The following DMD variants were observed in gnomAD, a reference collection of about 807,000 sequenced individuals.
DMD encodes mutant dystrophin.
Under a neutral mutation model 330.1 loss-of-function variants are expected in DMD, and 63 were observed. The ratio of observed to expected loss-of-function variants is 0.19; its 90% CI spans 0.16 to 0.24. The LOEUF (loss-of-function observed/expected upper bound fraction) is 0.24. Ranked by LOEUF, DMD falls within the 10% of genes least tolerant of loss-of-function variation. DMD has a pLI of 1.00. For synonymous variants in DMD, 1,223 were observed against 959.8 expected, an observed-to-expected ratio of 1.27 and a Z score of -5.07; for missense variants, 3,344 against 2,684.1, an observed-to-expected ratio of 1.25 and a Z score of -5.43.
intron 55 of DMD, among the ~76,000 whole-genome samples, chrX:31,619,068 T>C (rs769318738): frequency 1.3e-4 from 14 of 111,261 alleles, no homozygotes; most frequent in African/African-American, 4.6e-4. Context: ...CCTTGGCACA[T>C]AGTAACTATT....
At chrX:32,534,996 T>C (rs2047823257) in intron 17 of DMD, among the ~76,000 whole-genome samples, 2 of 111,613 alleles carry the variant, frequency 1.8e-5, no homozygotes, top group Admixed American at 1.9e-4. Flanking sequence ...TATATAAATG[T>C]GGTCATGGGA....
At chrX:32,573,901 A>G in intron 13 of DMD, 55 bp from the exon 14 acceptor site, 1 of 1,033,760 alleles carries the variant, frequency 9.7e-7, no homozygotes, top group Non-Finnish European at 1.4e-6. Context: ...ACTACGTTTT[A>G]TTAAAAATGG....
chrX:32,735,952 A>G (rs1216837523), intron 7 of DMD, among the ~76,000 whole-genome samples: 1 of 111,871 alleles, frequency 8.9e-6, no homozygotes, highest in Admixed American at 9.5e-5. Context: ...TGCACAACAA[A>G]AGAAACTACC....
chrX:31,537,074 C>T (rs1368886951), intron 55 of DMD, among the ~76,000 whole-genome samples: 2 of 112,074 alleles, frequency 1.8e-5, no homozygotes, highest in African/African-American at 3.2e-5. Context: ...TCTTTAGTTA[C>T]CACCAAGTAA....
At position 32,714,743 on chromosome X, in the gene DMD, TA is replaced by T. The variant is rs755343447; in HGVS notation, c.650-15451del. ...CTTATATACAACTTTAAACTTCCTA[TA>T]AAAAAAAGCTTATACTTTCTTGTGC... On this transcript the variant is annotated intron_variant, in intron 7 of 78. Coordinates refer to ENST00000357033, the MANE Select transcript of DMD (RefSeq NM_004006.3). Among the ~76,000 whole-genome samples, 8 of 111,272 alleles carry T rather than the reference TA, an allele frequency of 7.2e-5. No individual in the cohort carries two copies. In the East Asian group the frequency reaches 1.4e-3, roughly 20 times the overall value.
At chrX:32,814,210 T>G (rs1393041052) in intron 6 of DMD, among the ~76,000 whole-genome samples, 1 of 112,339 alleles carries the variant, frequency 8.9e-6, no homozygotes, top group Admixed American at 9.4e-5. Flanking sequence ...ATTGTAACTT[T>G]ATAGTTATTG....
intron 1 of DMD, among the ~76,000 whole-genome samples, chrX:33,078,962 T>C (rs1277721896): frequency 8.9e-6 from 1 of 111,917 alleles, no homozygotes; most frequent in Non-Finnish European, 1.9e-5. Context: ...TATTCTAACG[T>C]CACAATCTCC....
chrX:32,831,164 C>A (rs2079120220), intron 4 of DMD, among the ~76,000 whole-genome samples: 1 of 110,762 alleles, frequency 9.0e-6, no homozygotes, highest in South Asian at 3.8e-4. Flanking sequence ...AGGAACAATT[C>A]TCGTCATTTG....
chrX:32,285,645 T>C (rs1305222833), intron 43 of DMD, among the ~76,000 whole-genome samples: 1 of 111,661 alleles, frequency 9.0e-6, no homozygotes, highest in Non-Finnish European at 1.9e-5. Context: ...AAGCCTGGCT[T>C]TGGATACTGT....
chrX:32,128,766 G>C (rs2096673730), intron 44 of DMD, among the ~76,000 whole-genome samples: 1 of 112,039 alleles, frequency 8.9e-6, no homozygotes, highest in Non-Finnish European at 1.9e-5. Flanking sequence ...GTTTAAGAAA[G>C]CAAAACTGAA....
intron 45 of DMD, among the ~76,000 whole-genome samples, chrX:31,956,774 C>G (rs1454623258): frequency 8.9e-6 from 1 of 112,027 alleles, no homozygotes; most frequent in Non-Finnish European, 1.9e-5. Flanking sequence ...CAGTGACTAA[C>G]TATGAAGAAG....
intron 41 of DMD, among the ~76,000 whole-genome samples, chrX:32,328,700 A>G (rs1248556251): frequency 9.1e-6 from 1 of 110,477 alleles, no homozygotes; most frequent in East Asian, 2.8e-4. Context: ...AAAAAAAAAA[A>G]ACTATTAGGG....
rs948435035 is a variant in DMD, at chrX:32,905,037, A to T, written c.94-55217T>A. On this transcript the variant is annotated intron_variant, in intron 2 of 78. Transcript: ENST00000357033. Reference sequence around the variant, plus strand: ...TATGTATTTCTGTACACATCCCTATATTGGGACCATATGACCTTCCACAAA... The same window carrying T: ...TATGTATTTCTGTACACATCCCTATTTTGGGACCATATGACCTTCCACAAA... 8.2e-4 allele frequency among the ~76,000 whole-genome samples: 92 copies of T among 112,440 alleles called. No individual in the cohort carries two copies. In the Admixed American group the frequency reaches 8.7e-3, roughly 11 times the overall value.
intron 61 of DMD, among the ~76,000 whole-genome samples, chrX:31,329,937 C>T (rs1407186162): frequency 2.0e-4 from 18 of 88,951 alleles, no homozygotes; most frequent in African/African-American, 6.1e-4. Context: ...TGCCACTGCA[C>T]TCCAGCCTGG....
At chrX:31,828,663 C>CAAAA (rs147580367) in intron 49 of DMD, among the ~76,000 whole-genome samples, 1 of 66,133 alleles carries the variant, frequency 1.5e-5, no homozygotes, top group Non-Finnish European at 2.9e-5. Context: ...AACTCCATCT[C>CAAAA]AAAAAAAAAA....
intron 9 of DMD, among the ~76,000 whole-genome samples, chrX:32,678,972 T>C (rs1294621418): frequency 3.6e-5 from 4 of 112,106 alleles, no homozygotes; most frequent in Admixed American, 9.5e-5. Flanking sequence ...TATGAGGTCA[T>C]GTATAACAAT....
chrX:32,962,790 A>G (rs2147055809), intron 2 of DMD, among the ~76,000 whole-genome samples: 1 of 112,281 alleles, frequency 8.9e-6, no homozygotes, highest in South Asian at 3.7e-4. Context: ...TTACTGCAGT[A>G]CAAGCCAGGG....
At chrX:32,639,170 A>G (rs1379356166) in intron 11 of DMD, among the ~76,000 whole-genome samples, 1 of 112,079 alleles carries the variant, frequency 8.9e-6, no homozygotes, top group Admixed American at 9.5e-5. Flanking sequence ...TGCTGTGCTT[A>G]ACTTTGAGTC....
intron 55 of DMD, among the ~76,000 whole-genome samples, chrX:31,601,477 T>C (rs1400753613): frequency 1.8e-5 from 2 of 111,618 alleles, no homozygotes; most frequent in Non-Finnish European, 3.8e-5. Flanking sequence ...CGGAATCAAT[T>C]AAGAGACTAG....
Sources: allele counts gnomAD v4.1 joint callset (sites outside exome capture counted in the v4.1 genomes callset), GRCh38; gene constraint gnomAD v4.1.1; transcripts MANE v1.5; gene names NCBI Gene and HGNC (gene_info 2026-07-23, HGNC 2026-07-21).